The following CNTNAP5 variants were observed in gnomAD, a reference collection of about 807,000 sequenced individuals.
CNTNAP5 encodes contactin associated protein family member 5, also known as contactin-associated protein-like 5.
A neutral mutation model predicts 150.2 loss-of-function variants in CNTNAP5; 72 were observed. That is an observed-to-expected ratio of 0.48 (90% CI 0.40 to 0.58). The LOEUF (loss-of-function observed/expected upper bound fraction) is 0.58, where lower values mean the gene tolerates loss of function less well. Ranked by LOEUF, CNTNAP5 falls within the 20% of genes least tolerant of loss-of-function variation. The probability of loss-of-function intolerance (pLI) is 0.00; values close to 1 mark genes in which losing one functional copy is unlikely to be tolerated. For missense variants in CNTNAP5, 1,636 were observed against 1,626.2 expected (o/e 1.01, Z -0.10); for synonymous variants, 672 against 619.8 (o/e 1.08, Z -1.25).
At chr2:124,192,769 A>G (rs1685489874) in intron 1 of CNTNAP5, among the ~76,000 whole-genome samples, 1 of 152,004 alleles carries the variant, frequency 6.6e-6, no homozygotes, top group Admixed American at 6.6e-5. Flanking sequence ...ACCCTATTGA[A>G]TATTAAACCT....
intron 9 of CNTNAP5, among the ~76,000 whole-genome samples, chr2:124,525,732 G>A (rs1161476291): frequency 6.6e-6 from 1 of 152,140 alleles, no homozygotes; most frequent in African/African-American, 2.4e-5. Flanking sequence ...CCTTTAGGGA[G>A]GGAATACACG....
chr2:124,707,015 GAGGAGA>G (rs1192923108), intron 13 of CNTNAP5, among the ~76,000 whole-genome samples: 4 of 71,230 alleles, frequency 5.6e-5, no homozygotes, highest in East Asian at 1.4e-3. Flanking sequence ...GAAGGAGGAG[GAGGAGA>G]AGAAGAAGAA....
At chr2:124,723,315 T>C (rs1680087282) in intron 13 of CNTNAP5, among the ~76,000 whole-genome samples, 1 of 152,176 alleles carries the variant, frequency 6.6e-6, no homozygotes, top group African/African-American at 2.4e-5. Flanking sequence ...TTTTTACTTT[T>C]ATAACAAAGA....
intron 6 of CNTNAP5, among the ~76,000 whole-genome samples, chr2:124,470,951 C>G (rs761442527): frequency 4.6e-5 from 7 of 152,080 alleles, no homozygotes; most frequent in Non-Finnish European, 8.8e-5. Flanking sequence ...TATGCCAGTA[C>G]CATGCTGTTT....
chr2:124,285,100 T>C (rs907422855), intron 3 of CNTNAP5, among the ~76,000 whole-genome samples: 14 of 152,206 alleles, frequency 9.2e-5, no homozygotes, highest in Non-Finnish European at 1.5e-4. Flanking sequence ...ATGCATTCAA[T>C]AGTTTGGATG....
intron 12 of CNTNAP5, among the ~76,000 whole-genome samples, chr2:124,619,842 C>CATATATATAT (rs58774096): frequency 6.2e-4 from 61 of 98,448 alleles, no homozygotes; most frequent in Non-Finnish European, 6.0e-4. Flanking sequence ...CTGTCTCATT[C>CATATATATAT]ATATATATAT....
intron 3 of CNTNAP5, among the ~76,000 whole-genome samples, chr2:124,374,243 G>A (rs527933538): frequency 6.6e-6 from 1 of 150,730 alleles, no homozygotes; most frequent in South Asian, 2.1e-4. Flanking sequence ...TTACAATATA[G>A]GGTTACATAA....
At chr2:124,262,735 G>C (rs1331966070) in intron 3 of CNTNAP5, among the ~76,000 whole-genome samples, 1 of 151,104 alleles carries the variant, frequency 6.6e-6, no homozygotes, top group African/African-American at 2.4e-5. Flanking sequence ...GTGCCATGTT[G>C]GTGTGCTGCA....
At chr2:124,659,800 G>C (rs746179040) in intron 13 of CNTNAP5, among the ~76,000 whole-genome samples, 1 of 152,128 alleles carries the variant, frequency 6.6e-6, no homozygotes, top group Non-Finnish European at 1.5e-5. Context: ...CTTCTAGTTA[G>C]GTGAACACCT....
chr2:124,733,333 A>G (rs1312062482), intron 13 of CNTNAP5, among the ~76,000 whole-genome samples: 1 of 151,888 alleles, frequency 6.6e-6, no homozygotes, highest in Non-Finnish European at 1.5e-5. Flanking sequence ...AATAATTTTC[A>G]TTTTTTTTCA....
At chr2:124,349,870 A>ATTT (rs1553460393) in intron 3 of CNTNAP5, among the ~76,000 whole-genome samples, 9 of 36,414 alleles carry the variant, frequency 2.5e-4, no homozygotes, top group Non-Finnish European at 3.8e-4. Context: ...ACTTCTGGCT[A>ATTT]TTTCTTTTTT....
chr2:124,128,740 G>A (rs1308413372), intron 1 of CNTNAP5, among the ~76,000 whole-genome samples: 1 of 151,756 alleles, frequency 6.6e-6, no homozygotes, highest in Non-Finnish European at 1.5e-5. Flanking sequence ...CATAAAAAAG[G>A]GTGAGTTCAT....
intron 4 of CNTNAP5, among the ~76,000 whole-genome samples, chr2:124,419,140 C>CAAAAAAAAAAAAAAAAA (rs778863758): frequency 0.025 from 718 of 28,864 alleles, 187 homozygotes; most frequent in Non-Finnish European, 0.037. Flanking sequence ...GACTCCTTCT[C>CAAAAAAAAAAAAAAAAA]AAAAAAAAAA....
chr2:124,387,696 T>A (rs1008321454), intron 3 of CNTNAP5, among the ~76,000 whole-genome samples: 1 of 152,104 alleles, frequency 6.6e-6, no homozygotes, highest in African/African-American at 2.4e-5. Context: ...ATCACAATGG[T>A]GGAATGTCAT....
chr2:124,059,786 C>G (rs760597162), intron 1 of CNTNAP5, among the ~76,000 whole-genome samples: 13 of 151,936 alleles, frequency 8.6e-5, no homozygotes, highest in Non-Finnish European at 1.6e-4. Flanking sequence ...CTCTGGTCTT[C>G]TGAACAAGAT....
intron 8 of CNTNAP5, among the ~76,000 whole-genome samples, chr2:124,516,475 G>C (rs1340962406): frequency 6.6e-6 from 1 of 152,182 alleles, no homozygotes; most frequent in Non-Finnish European, 1.5e-5. Context: ...TGATGTAATA[G>C]GTTTAGAGAT....
chr2:124,503,840 T>G (rs140964021), intron 7 of CNTNAP5, among the ~76,000 whole-genome samples: 1 of 152,300 alleles, frequency 6.6e-6, no homozygotes, highest in African/African-American at 2.4e-5. Context: ...CCTTTCCTAA[T>G]TCCTTCCTTT....
At chr2:124,870,810 G>A (rs750262990) in intron 21 of CNTNAP5, among the ~76,000 whole-genome samples, 1 of 152,032 alleles carries the variant, frequency 6.6e-6, no homozygotes, top group African/African-American at 2.4e-5. Context: ...GAAGGAGGAG[G>A]TATCTGAAAA....
At chr2:124,763,147 TAAG>T (rs767093978) in intron 14 of CNTNAP5, among the ~76,000 whole-genome samples, 5 of 152,074 alleles carry the variant, frequency 3.3e-5, no homozygotes, top group Non-Finnish European at 7.4e-5. Flanking sequence ...CCGAGATCTT[TAAG>T]AACAAAATGA....
Sources: allele counts gnomAD v4.1 joint callset (sites outside exome capture counted in the v4.1 genomes callset), GRCh38; gene constraint gnomAD v4.1.1; transcripts MANE v1.5; gene names NCBI Gene and HGNC (gene_info 2026-07-23, HGNC 2026-07-21).